AHI1: variants seen among roughly 807,000 people sequenced by gnomAD.
AHI1 encodes the protein jouberin.
A neutral mutation model predicts 149.3 loss-of-function variants in AHI1; 123 were observed. That is an observed-to-expected ratio of 0.82 (90% CI 0.71 to 0.96). The LOEUF (loss-of-function observed/expected upper bound fraction) is 0.96. Among genes scored for constraint, AHI1 ranks in the 40% least tolerant of loss-of-function variants. AHI1 has a pLI of 0.00. For synonymous variants in AHI1, 475 were observed against 459.8 expected, an observed-to-expected ratio of 1.03 and a Z score of -0.42; for missense variants, 1,439 against 1,422.7, an observed-to-expected ratio of 1.01 and a Z score of -0.18.
rs113438521 is a variant in AHI1 at position 135,351,753 on chromosome 6, T to C, written c.3165+6379A>G. 4.1e-3 allele frequency among the ~76,000 whole-genome samples: 621 copies of C among 152,298 alleles called. 2 individuals are homozygous for C. Among genetic ancestry groups the C allele is most frequent in the African/African-American group, 0.014 (590 of 41,560 alleles). ...GGTACACCACAGGATCTTAAATACATGATCATATTTGTGCTTTGGATAAAC... is the reference window on the plus strand; with the variant it reads ...GGTACACCACAGGATCTTAAATACACGATCATATTTGTGCTTTGGATAAAC... On this transcript the variant is annotated intron_variant, in intron 24 of 28. Transcript: ENST00000265602.
intron 14 of AHI1, among the ~76,000 whole-genome samples, chr6:135,442,123 C>T (rs968718470): frequency 1.3e-5 from 2 of 152,080 alleles, no homozygotes; most frequent in African/African-American, 4.8e-5. Flanking sequence ...TGCTTGGCCT[C>T]TCTGCTGACT....
chr6:135,343,047 G>GA (rs200550265), intron 24 of AHI1, among the ~76,000 whole-genome samples: 65 of 150,212 alleles, frequency 4.3e-4, no homozygotes, highest in African/African-American at 7.1e-4. Flanking sequence ...AACAAAATCT[G>GA]AAAAAAAACA....
At chr6:135,357,063 C>T (rs543659186) in intron 24 of AHI1, among the ~76,000 whole-genome samples, 1 of 152,270 alleles carries the variant, frequency 6.6e-6, no homozygotes, top group South Asian at 2.1e-4. Flanking sequence ...CTCAGCCTCC[C>T]GAGTAGCTGG....
chr6:135,323,545 A>G (rs1278036315), intron 24 of AHI1, among the ~76,000 whole-genome samples: 2 of 152,258 alleles, frequency 1.3e-5, no homozygotes, highest in African/African-American at 4.8e-5. Flanking sequence ...CGAGCATTCA[A>G]TACACTAAGA....
Position 135,290,486 on chromosome 6 carries a change from T to C in AHI1, c.3525A>G (p.Gly1175=). The C allele has an allele frequency of 6.2e-7, 1 of 1,613,908 alleles. No individual in the cohort carries two copies. Among genetic ancestry groups the C allele is most frequent in the Non-Finnish European group, 8.5e-7 (1 of 1,179,798 alleles). The part of the protein sequence containing the change: ...MRKEQSHEDQ[G]HIMDTRMRKN... ...TCCTCATCCGTGTATCCATTATGTG[T>C]CCTTGGTCCTCATGGCTCTGTTCTT... is the stretch of plus-strand genomic sequence containing the variant. Residue 1175 remains glycine, a synonymous_variant, in exon 28 of 29, where the codon GGA becomes GGG. Coordinates refer to ENST00000265602, the MANE Select transcript of AHI1 (RefSeq NM_001134831.2).
intron 5 of AHI1, among the ~76,000 whole-genome samples, chr6:135,472,567 A>G (rs1313046523): frequency 1.3e-5 from 2 of 152,264 alleles, no homozygotes; most frequent in African/African-American, 2.4e-5. Flanking sequence ...AACAATTGCC[A>G]AACAGCTTCT....
intron 8 of AHI1, among the ~76,000 whole-genome samples, chr6:135,462,649 C>G (rs1409332884): frequency 2.0e-5 from 3 of 152,082 alleles, no homozygotes; most frequent in Admixed American, 6.5e-5. Flanking sequence ...GCCTGTAACC[C>G]CAGCATTTTG....
Position 135,284,277 on chromosome 6 carries a change from T to A in AHI1, c.*1368A>T, listed in dbSNP as rs1391445155. On this transcript the variant is annotated 3_prime_UTR_variant, in exon 29 of 29. Coordinates refer to ENST00000265602, the MANE Select transcript of AHI1 (RefSeq NM_001134831.2). ...TTTTATGCCTCTACATGTGCAGGGA[T>A]AAGAGCCAAATATATTTTTATTAGA... The A allele has an allele frequency of 6.6e-6, 1 of 152,222 alleles. No individual in the cohort carries two copies. 9.4% of individuals were successfully genotyped at this position (152,222 alleles called of 1,614,324 possible).
intron 23 of AHI1, among the ~76,000 whole-genome samples, chr6:135,392,505 T>G (rs2128482107): frequency 1.3e-5 from 2 of 152,318 alleles, no homozygotes; most frequent in Middle Eastern, 6.8e-3. Flanking sequence ...ACTTACTAGC[T>G]CTGTGTAAAT....
chr6:135,469,286 A>G (rs1014852360), intron 5 of AHI1, among the ~76,000 whole-genome samples: 4 of 152,184 alleles, frequency 2.6e-5, no homozygotes, highest in Non-Finnish European at 5.9e-5. Context: ...AGACACAGGA[A>G]AGGCCTTTGA....
intron 21 of AHI1, among the ~76,000 whole-genome samples, chr6:135,406,508 G>T (rs181526477): frequency 6.6e-6 from 1 of 152,244 alleles, no homozygotes; most frequent in African/African-American, 2.4e-5. Flanking sequence ...CTATAGGATG[G>T]TTTGAGAATT....
chr6:135,318,491 T>C, intron 26 of AHI1, 28 bp downstream of exon 26: 1 of 1,348,076 alleles, frequency 7.4e-7, no homozygotes, highest in Middle Eastern at 1.8e-4. Flanking sequence ...AAAGTACATA[T>C]GTAATACGTA....
intron 27 of AHI1, among the ~76,000 whole-genome samples, chr6:135,297,019 C>T (rs1783182405): frequency 6.6e-6 from 1 of 152,186 alleles, no homozygotes; most frequent in Non-Finnish European, 1.5e-5. Context: ...TCACATTTTC[C>T]CAATTGGACT....
chr6:135,363,753 T>G (rs1230920770), intron 23 of AHI1, among the ~76,000 whole-genome samples: 1 of 139,054 alleles, frequency 7.2e-6, no homozygotes, highest in Admixed American at 7.1e-5. Flanking sequence ...ACGGGGCAGC[T>G]GGCCGGGCGG....
intron 20 of AHI1, among the ~76,000 whole-genome samples, chr6:135,414,488 A>G (rs1356923801): frequency 6.6e-6 from 1 of 152,210 alleles, no homozygotes; most frequent in Non-Finnish European, 1.5e-5. Flanking sequence ...TGTTAAGACA[A>G]TTAGAAAACA....
At chr6:135,456,249 A>C (rs541891167) in intron 9 of AHI1, among the ~76,000 whole-genome samples, 4 of 152,312 alleles carry the variant, frequency 2.6e-5, no homozygotes, top group African/African-American at 2.4e-5. Context: ...GTTTATAATA[A>C]AATAGACATT....
intron 23 of AHI1, among the ~76,000 whole-genome samples, chr6:135,361,214 T>C (rs975883206): frequency 6.6e-6 from 1 of 152,210 alleles, no homozygotes; most frequent in South Asian, 2.1e-4. Context: ...CTTAAAACAG[T>C]GTTAACCCCA....
chr6:135,385,644 T>C (rs966623847), intron 23 of AHI1, among the ~76,000 whole-genome samples: 3 of 152,210 alleles, frequency 2.0e-5, no homozygotes, highest in Non-Finnish European at 4.4e-5. Flanking sequence ...GCTATCTGAC[T>C]ATGAAACCTG....
intron 11 of AHI1, 88 bp from the exon 12 acceptor site, chr6:135,448,563 A>T: frequency 9.3e-7 from 1 of 1,077,716 alleles, no homozygotes; most frequent in South Asian, 3.1e-5. Context: ...AAACATTTTT[A>T]AAAGATTAAT....
Sources: gnomAD v4.1 joint callset for allele counts (sites outside exome capture counted in the v4.1 genomes callset) on GRCh38, gnomAD v4.1.1 for gene constraint, MANE v1.5 for transcripts, NCBI Gene and HGNC (gene_info 2026-07-23, HGNC 2026-07-21) for gene names.